The following COL5A3 variants were observed in gnomAD, a reference collection of about 807,000 sequenced individuals.
COL5A3 encodes the protein collagen alpha-3(V) chain.
COL5A3 carries 172 observed loss-of-function variants against 250.0 expected under a neutral mutation model. The observed-to-expected ratio is 0.69, with a 90% CI of 0.61 to 0.78. The LOEUF (loss-of-function observed/expected upper bound fraction) is 0.78, where lower values mean the gene tolerates loss of function less well. Among genes scored for constraint, COL5A3 ranks in the 30% least tolerant of loss-of-function variants. COL5A3 has a pLI of 0.00. For synonymous variants in COL5A3, 937 were observed against 900.4 expected (o/e 1.04, Z -0.73); for missense variants, 2,340 against 2,334.4 (o/e 1.00, Z -0.05).
At chr19:9,974,009 G>A (rs2086887828) in intron 47 of COL5A3, 37 bp from the exon 48 acceptor site, 2 of 1,525,940 alleles carry the variant, frequency 1.3e-6, no homozygotes, top group Non-Finnish European at 1.8e-6. Context: ...GTGACCCCAG[G>A]CCCCTCTCCC....
intron 31 of COL5A3, among the ~76,000 whole-genome samples, chr19:9,984,097 C>CT (rs2087060401): frequency 6.6e-6 from 1 of 151,920 alleles, no homozygotes; most frequent in African/African-American, 2.4e-5. Flanking sequence ...GATCTCAGCT[C>CT]ACTGCATCCT....
intron 63 of COL5A3, 54 bp downstream of exon 63, chr19:9,966,481 AC>A (rs993508361): frequency 2.5e-5 from 39 of 1,551,574 alleles, no homozygotes; most frequent in East Asian, 7.0e-5. Flanking sequence ...ACGGACCCCA[AC>A]CCCCCCCACA....
chr19:9,978,992 C>G lies in COL5A3; in HGVS notation c.2875-12G>C, dbSNP rs755795068. 1 of 1,544,628 alleles carries G rather than the reference C, an allele frequency of 6.5e-7. No individual in the cohort carries two copies. The highest frequency in any genetic ancestry group is 8.7e-7 in the Non-Finnish European group (1 of 1,149,358). Reference sequence around the variant, plus strand: ...GGTCCCAGTTCCCCCTACAGGAGTGCAAAGGAGGGAAGTCAAGCTCCAGGG... The same window carrying G: ...GGTCCCAGTTCCCCCTACAGGAGTGGAAAGGAGGGAAGTCAAGCTCCAGGG... On this transcript the variant is annotated splice_polypyrimidine_tract_variant and intron_variant, in intron 39 of 66. Transcript: ENST00000264828.
chr19:10,006,207 A>C lies in COL5A3; in HGVS notation c.113T>G (p.Leu38Arg), dbSNP rs1243375145. ...CCCAGCCTGGCCTCCCTGCACACCC[A>C]GGGCCTTCAGGACATCCACAGGATC... ...QADPVDVLKA[L>R]GVQGGQAGVP... The change falls in exon 2 of 67, where the codon CTG becomes CGG. Residue 38 changes from leucine (L) to arginine (R), a missense_variant. By Grantham distance (102) the Leu-to-Arg change is moderately radical (BLOSUM62 -2). Coordinates refer to ENST00000264828, the MANE Select transcript of COL5A3 (RefSeq NM_015719.4). The C allele has an allele frequency of 6.2e-7, 1 of 1,602,148 alleles. No individual in the cohort carries two copies. Among genetic ancestry groups the C allele is most frequent in the Non-Finnish European group, 8.5e-7 (1 of 1,174,988 alleles).
intron 4 of COL5A3, 57 bp downstream of exon 4, chr19:10,005,501 G>T: frequency 6.5e-7 from 1 of 1,537,766 alleles, no homozygotes; most frequent in Non-Finnish European, 9.0e-7. Flanking sequence ...CCAGATTCAG[G>T]CTGTAGACAA....
In COL5A3 at chr19:10,001,875, T is replaced by C. The variant is rs866545704; in HGVS notation, c.856A>G (p.Thr286Ala). ...PPDSAENQTS[T>A]DIPKTETPAP... ...GGAGTCTCTGTCTTGGGGATGTCAG[T>C]GGAGGTCTGGAGCAGGGATGGAGGG... The change falls in exon 7 of 67, where the codon ACT (threonine) becomes GCT (alanine). Residue 286 changes from threonine (T) to alanine (A), a missense_variant. By Grantham distance (58) the Thr-to-Ala change is moderately conservative. Around this residue, in one of 3 missense-constraint regions of COL5A3, gnomAD observed 1,152 missense variants for 1,146.3 expected, o/e 1.00. Coordinates refer to ENST00000264828, the MANE Select transcript of COL5A3 (RefSeq NM_015719.4). 8 of 1,612,278 alleles carry C rather than the reference T, an allele frequency of 5.0e-6. No homozygotes were observed. Among genetic ancestry groups the C allele is most frequent in the African/African-American group, 1.3e-5 (1 of 74,712 alleles).
chr19:9,968,102 G>A lies in COL5A3; in HGVS notation c.4315-23C>T. On this transcript the variant is annotated intron_variant, in intron 59 of 66. Coordinates refer to ENST00000264828, the MANE Select transcript of COL5A3 (RefSeq NM_015719.4). This position sits in a 1 kb window ranked among gnomAD's most constrained non-coding sequence, Gnocchi z 4.1. ...ACCCTAGGAAAAGGACATCGGGTCA[G>A]TATTGGTGGGGTACACCCTATTGCC... The A allele has an allele frequency of 4.4e-6, 7 of 1,583,834 alleles. No individual in the cohort carries two copies. The highest frequency in any genetic ancestry group is 6.0e-6 in the Non-Finnish European group (7 of 1,170,240).
intron 35 of COL5A3, 101 bp downstream of exon 35, chr19:9,980,547 C>A: frequency 6.7e-7 from 1 of 1,498,112 alleles, no homozygotes; most frequent in Non-Finnish European, 9.0e-7. Flanking sequence ...CTTACCACTG[C>A]ATTATAATGT....
chr19:9,997,331 A>C, intron 11 of COL5A3, 40 bp downstream of exon 11: 1 of 1,493,908 alleles, frequency 6.7e-7, no homozygotes, highest in Non-Finnish European at 9.3e-7. Context: ...CCCAAACCTC[A>C]CTCCTCTGAG....
At chr19:10,006,554 C>T (rs1409922084) in intron 1 of COL5A3, among the ~76,000 whole-genome samples, 3 of 152,182 alleles carry the variant, frequency 2.0e-5, no homozygotes, top group Non-Finnish European at 1.5e-5. Context: ...AACGGTCCCC[C>T]TCTCCCTGCT....
intron 1 of COL5A3, among the ~76,000 whole-genome samples, chr19:10,008,755 G>A (rs73504966): frequency 0.034 from 5,102 of 152,292 alleles, 297 homozygotes; most frequent in African/African-American, 0.12. Context: ...TGCTTGACGT[G>A]TGGCCATGCA....
At chr19:9,970,902 G>T in intron 53 of COL5A3, 73 bp downstream of exon 53, 1 of 1,306,556 alleles carries the variant, frequency 7.7e-7, no homozygotes, top group Non-Finnish European at 1.0e-6. Flanking sequence ...CCACTCCCCT[G>T]CCCCCCCAAT....
chr19:9,977,402 G>A lies in COL5A3; in HGVS notation c.3197C>T (p.Pro1066Leu), dbSNP rs2086938202. 1 of 1,554,496 alleles carries A rather than the reference G, an allele frequency of 6.4e-7. No homozygotes were observed. The highest frequency in any genetic ancestry group is 1.2e-5 in the South Asian group (1 of 82,022). The change falls in exon 43 of 67, where the codon CCT becomes CTT. Residue 1066 changes from proline to leucine, a missense_variant. Physicochemically the swap from Pro to Leu is moderately conservative, Grantham distance 98. Transcript: ENST00000264828. ...CTCGCCAGAAGGCCCAGCAGCTCCA[G>A]GGGGTCCCAGAGGCCCCAGGGGCCC... ...IPGPLGPLGP[P>L]GAAGPSGEEG... is the part of the protein sequence containing the mutation.
At chr19:9,985,748 C>A in intron 31 of COL5A3, 94 bp downstream of exon 31, 1 of 1,141,400 alleles carries the variant, frequency 8.8e-7, no homozygotes, top group Admixed American at 1.9e-5. Context: ...TTGGGGTGGG[C>A]AGCTCATCCC....
At chr19:9,989,066 A>G in intron 27 of COL5A3, 58 bp downstream of exon 27, 1 of 1,558,720 alleles carries the variant, frequency 6.4e-7, no homozygotes. Context: ...ATGGAGCTGC[A>G]TCGCATGCCT....
intron 1 of COL5A3, among the ~76,000 whole-genome samples, chr19:10,007,107 A>C (rs2087455121): frequency 1.6e-5 from 2 of 124,034 alleles, no homozygotes; most frequent in African/African-American, 3.2e-5. Flanking sequence ...CCTCCCTCTG[A>C]CTCTCCCCTA....
In COL5A3 at chr19:9,960,551, T is replaced by C. The variant is rs141809828; in HGVS notation, c.5098A>G (p.Lys1700Glu). The part of the protein sequence containing the change: ...SVPQDGCRLR[K>E]GQTKTLFEFS... ...TCGAAAAGGGTCTTCGTCTGTCCTT[T>C]CCGGAGCTGTCCCCAGAGAAGACAG... Residue 1700 changes from lysine to glutamate, a missense_variant, in exon 67 of 67, where the codon AAA becomes GAA. By Grantham distance (56) the Lys-to-Glu change is moderately conservative (BLOSUM62 1). This residue lies in a region of COL5A3 where 1,179 missense variants were observed against 1,162.6 expected (regional missense o/e 1.01). Transcript: ENST00000264828. 104 of 1,614,114 alleles carry C rather than the reference T, an allele frequency of 6.4e-5. No individual in the cohort carries two copies. The Middle Eastern group carries it at 1.3e-3, about 20-fold the overall frequency.
At chr19:9,987,814 A>G (rs1159546758) in intron 27 of COL5A3, among the ~76,000 whole-genome samples, 3 of 152,122 alleles carry the variant, frequency 2.0e-5, no homozygotes. Flanking sequence ...ATACGCCTAT[A>G]GTCCTAGCTA....
In COL5A3 at chr19:9,966,612, C is replaced by G. The variant is rs987954158; in HGVS notation, c.4593G>C (p.Arg1531=). Residue 1531 remains arginine (R), a synonymous_variant, in exon 63 of 67, where the codon CGG becomes CGC. Transcript: ENST00000264828. ...GGCGCTCCGCAGTGCCGGGAGGACG[C>G]CGCAGCTGCTCCAGCTCCAAGCTCA... ...TSLSLELEQL[R]RPPGTAERPG... 1.3e-6 allele frequency: 2 copies of G among 1,539,388 alleles called. No individual in the cohort carries two copies. The highest frequency in any genetic ancestry group is 2.7e-5 in the African/African-American group (2 of 73,026).
Sources: allele counts gnomAD v4.1 joint callset (sites outside exome capture counted in the v4.1 genomes callset), GRCh38; gene constraint gnomAD v4.1.1; regional missense constraint gnomAD v4.1.1; non-coding constraint Gnocchi (gnomAD v3.1); transcripts MANE v1.5; gene names NCBI Gene and HGNC (gene_info 2026-07-23, HGNC 2026-07-21).